ZNF821: variants seen among roughly 807,000 people sequenced by gnomAD.
ZNF821 encodes the protein zinc finger protein 821.
ZNF821 carries 16 observed loss-of-function variants against 44.3 expected under a neutral mutation model. The observed-to-expected ratio is 0.36, with a 90% confidence interval of 0.24 to 0.55. The LOEUF (loss-of-function observed/expected upper bound fraction) is 0.55, where lower values mean the gene tolerates loss of function less well. ZNF821 is among the 20% of genes least tolerant of loss of function. The pLI, the probability that ZNF821 is intolerant of heterozygous loss-of-function variation, is 0.86. For synonymous variants in ZNF821, 204 were observed against 197.6 expected (o/e 1.03, Z -0.27); for missense variants, 436 against 547.6 (o/e 0.80, Z 2.03).
chr16:71,872,752 T>C (rs1262577989), intron 3 of ZNF821, among the ~76,000 whole-genome samples: 5 of 152,254 alleles, frequency 3.3e-5, no homozygotes, highest in Non-Finnish European at 7.3e-5. Context: ...CATAGCCATT[T>C]ACTTCACGAG....
At chr16:71,890,587 A>G (rs770918532) in intron 1 of ZNF821, 2 of 151,636 alleles carry the variant, frequency 1.3e-5, no homozygotes, top group African/African-American at 4.9e-5. Flanking sequence ...GATTTTCGCA[A>G]TGTTGACCAG....
chr16:71,874,307 C>T (rs922890434), intron 3 of ZNF821, among the ~76,000 whole-genome samples: 2 of 152,090 alleles, frequency 1.3e-5, no homozygotes, highest in South Asian at 2.1e-4. Flanking sequence ...TAGTTTCATG[C>T]CACACAATCT....
intron 2 of ZNF821, 190 bp downstream of exon 2, chr16:71,883,021 T>C (rs2142486146): frequency 2.3e-6 from 1 of 433,760 alleles, no homozygotes; most frequent in South Asian, 1.6e-5. Flanking sequence ...GATTCCATTT[T>C]AAAAGGAAAG....
chr16:71,859,788 C>G lies in ZNF821; in HGVS notation c.*230G>C. On this transcript the variant is annotated 3_prime_UTR_variant, in exon 8 of 8. Transcript: ENST00000425432. ...TGGCAGTGGGCTGGGGAGGCCAGTT[C>G]TCTGGACTGCCTGCTCCCTTGTCCA... The G allele has an allele frequency of 3.5e-6, 2 of 563,852 alleles. No homozygotes were observed. 34.9% of individuals were successfully genotyped at this position (563,852 alleles called of 1,614,324 possible). A position where few individuals can be genotyped will look rare whatever the true frequency, so the allele number is the denominator to read the frequency against.
At chr16:71,892,178 CAAAAAAA>C (rs560376648) in intron 1 of ZNF821, among the ~76,000 whole-genome samples, 50 of 31,928 alleles carry the variant, frequency 1.6e-3, no homozygotes, top group South Asian at 7.3e-3. Context: ...AACTCCGTCT[CAAAAAAA>C]AAAAAAAAAA....
chr16:71,864,811 A>G, intron 5 of ZNF821, 92 bp downstream of exon 5: 1 of 1,532,356 alleles, frequency 6.5e-7, no homozygotes, highest in Non-Finnish European at 8.9e-7. Context: ...AGACCATCAG[A>G]GGCAAGACTG....
chr16:71,868,829 T>C (rs565842362), intron 3 of ZNF821, among the ~76,000 whole-genome samples: 7,081 of 151,960 alleles, frequency 0.047, 530 homozygotes, highest in African/African-American at 0.16. Flanking sequence ...CCCAGCTAAT[T>C]TTTTTGTATT....
intron 2 of ZNF821, 45 bp downstream of exon 2, chr16:71,883,166 A>C (rs899350274): frequency 2.4e-5 from 11 of 456,408 alleles, no homozygotes; most frequent in Admixed American, 1.2e-4. Context: ...GCAAGAAAAA[A>C]AACGAGTGAA....
intron 5 of ZNF821, 93 bp from the exon 6 acceptor site, chr16:71,864,335 C>G (rs1360683646): frequency 9.8e-7 from 1 of 1,021,520 alleles, no homozygotes; most frequent in Non-Finnish European, 1.5e-6. Flanking sequence ...TAAAAGGAAC[C>G]CAGACTGATG....
At chr16:71,867,840 C>G in intron 4 of ZNF821, 72 bp downstream of exon 4, 1 of 1,511,438 alleles carries the variant, frequency 6.6e-7, no homozygotes, top group Non-Finnish European at 8.9e-7. Context: ...CATGCACAAT[C>G]CCCAGAGCAC....
chr16:71,867,811 A>T, intron 4 of ZNF821, 101 bp downstream of exon 4: 7 of 1,434,216 alleles, frequency 4.9e-6, no homozygotes, highest in Admixed American at 4.5e-5. Flanking sequence ...CTCCTTTTTC[A>T]TGTCTTTCTC....
At chr16:71,861,101 G>A (rs1184705239) in intron 7 of ZNF821, among the ~76,000 whole-genome samples, 6 of 152,098 alleles carry the variant, frequency 3.9e-5, no homozygotes, top group Admixed American at 6.5e-5. Flanking sequence ...TGATCCACCC[G>A]CCTCGGCCTC....
At chr16:71,888,457 C>T (rs73586193), upstream of ZNF821, among the ~76,000 whole-genome samples, 7,136 of 151,628 alleles carry the variant, frequency 0.047, 541 homozygotes, top group African/African-American at 0.16. Context: ...GGTGTGAGGC[C>T]GGGGTGGGGG....
At chr16:71,863,496 T>C (rs7193731) in intron 6 of ZNF821, among the ~76,000 whole-genome samples, 119,640 of 149,738 alleles carry the variant, frequency 0.8, 48,164 homozygotes, top group East Asian at 0.98. Context: ...AAGCTATCCT[T>C]CCACCTCAGT....
chr16:71,879,567 A>T (rs1046496272), intron 3 of ZNF821, among the ~76,000 whole-genome samples: 1 of 152,062 alleles, frequency 6.6e-6, no homozygotes, highest in Non-Finnish European at 1.5e-5. Context: ...TAGATCTTAT[A>T]TTGGTTTAGA....
At chr16:71,894,838 G>T in intron 1 of ZNF821, 1 of 1,534,366 alleles carries the variant, frequency 6.5e-7, no homozygotes, top group Middle Eastern at 1.7e-4. Context: ...AGCGATAATG[G>T]TTTTCAAGTT....
intron 3 of ZNF821, among the ~76,000 whole-genome samples, chr16:71,875,168 C>T (rs529115339): frequency 5.8e-4 from 89 of 152,324 alleles, no homozygotes; most frequent in African/African-American, 1.9e-3. Context: ...TGCAAAGTCC[C>T]ACCTACTCCA....
At chr16:71,870,726 C>T (rs542311864) in intron 3 of ZNF821, among the ~76,000 whole-genome samples, 296 of 152,194 alleles carry the variant, frequency 1.9e-3, no homozygotes, top group Middle Eastern at 3.4e-3. Context: ...GTGATCCTCC[C>T]GCCTCGGCCT....
intron 1 of ZNF821, chr16:71,894,881 C>G: frequency 6.8e-7 from 1 of 1,478,886 alleles, no homozygotes; most frequent in South Asian, 1.2e-5. Context: ...AAAGTTTTCT[C>G]TGAATACCGA....
Sources: allele counts gnomAD v4.1 joint callset (sites outside exome capture counted in the v4.1 genomes callset), GRCh38; gene constraint gnomAD v4.1.1; transcripts MANE v1.5; gene names NCBI Gene and HGNC (gene_info 2026-07-23, HGNC 2026-07-21).